Variants in STRBP observed in about 807,000 individuals in gnomAD.
The protein encoded by STRBP is spermatid perinuclear RNA binding protein.
A neutral mutation model predicts 80.1 loss-of-function variants in STRBP; 13 were observed. The ratio of observed to expected loss-of-function variants is 0.16; its 90% CI spans 0.11 to 0.26. STRBP has a LOEUF of 0.26. STRBP is among the 10% of genes least tolerant of loss of function. The pLI is 1.00. For synonymous variants in STRBP, 284 were observed against 291.2 expected (o/e 0.98, Z 0.25); for missense variants, 485 against 815.2 (o/e 0.59, Z 4.93).
At position 123,171,002 on chromosome 9, in the gene STRBP, G is replaced by A. The variant is rs543192674; in HGVS notation, c.391-956C>T. ...AAACGATCCCAAAAAAGTAGGAAAG[G>A]GAAAACTCATTATCCTACTTTTGAA... On this transcript the variant is annotated intron_variant, in intron 5 of 18. Coordinates refer to ENST00000348403, the MANE Select transcript of STRBP (RefSeq NM_018387.5). Among the ~76,000 whole-genome samples, 4 of 151,888 alleles carry A rather than the reference G, an allele frequency of 2.6e-5. No homozygotes were observed. In the South Asian group the frequency reaches 8.3e-4, roughly 32 times the overall value.
chr9:123,265,261 T>C (rs759489844), intron 1 of STRBP, among the ~76,000 whole-genome samples: 2 of 152,160 alleles, frequency 1.3e-5, no homozygotes, highest in African/African-American at 2.4e-5. Context: ...CCGCCCTCAT[T>C]ATGTTTAGGC....
At chr9:123,181,809 A>AAAAAAAAAAAAAAAAAAAAAAAC (rs2038473075) in intron 3 of STRBP, among the ~76,000 whole-genome samples, 1 of 9,742 alleles carries the variant, frequency 1.0e-4, no homozygotes, top group Non-Finnish European at 3.9e-4. Flanking sequence ...TCAAAAAAAA[A>AAAAAAAAAAAAAAAAAAAAAAAC]AAAAAAAAAA....
downstream of STRBP, among the ~76,000 whole-genome samples, chr9:123,120,598 CA>C (rs1314555728): frequency 1.3e-5 from 2 of 150,900 alleles, no homozygotes; most frequent in Admixed American, 6.6e-5. Context: ...ATCTAGGAAA[CA>C]GGGAAATTAT....
At chr9:123,226,842 A>G (rs550817354) in intron 2 of STRBP, among the ~76,000 whole-genome samples, 31 of 152,238 alleles carry the variant, frequency 2.0e-4, no homozygotes, top group African/African-American at 7.0e-4. Flanking sequence ...AGAATACCAC[A>G]GATTTGGTAA....
At chr9:123,159,037 A>G (rs2132392598) in intron 9 of STRBP, 59 bp downstream of exon 9, 1 of 1,394,936 alleles carries the variant, frequency 7.2e-7, no homozygotes, top group South Asian at 1.2e-5. Flanking sequence ...ATATATTTAG[A>G]AAAATAAACT....
chr9:123,144,190 T>C (rs1037187612), intron 13 of STRBP, among the ~76,000 whole-genome samples: 4 of 121,584 alleles, frequency 3.3e-5, no homozygotes, highest in South Asian at 5.0e-4. Context: ...AGATCAAGAC[T>C]CCGTCTCAAA....
At position 123,123,362 on chromosome 9, in the gene STRBP, G is replaced by A. The variant is rs1225987382; in HGVS notation, c.*2235C>T. 1 of 985,244 alleles carries A rather than the reference G, an allele frequency of 1.0e-6. No individual in the cohort carries two copies. The highest frequency in any genetic ancestry group is 6.2e-5 in the Admixed American group (1 of 16,260). 61.0% of individuals were successfully genotyped at this position (985,244 alleles called of 1,614,324 possible). ...TGGAAGGGTGGGAAGGGCAACAGGT[G>A]GGGGGACACTTAATTCATTACAGAA... On this transcript the variant is annotated 3_prime_UTR_variant, in exon 19 of 19. Coordinates refer to ENST00000348403, the MANE Select transcript of STRBP (RefSeq NM_018387.5).
In STRBP at chr9:123,136,114, G is replaced by A; in HGVS notation, c.1700C>T (p.Ala567Val). 6.2e-7 allele frequency: 1 copy of A among 1,614,218 alleles called. No individual in the cohort carries two copies. ...PNKKVAKASA[A>V]LAALEKLFSG... ...AAACAGTTTCTCCAAGGCAGCTAAA[G>A]CTGCACTCGCCTTTGCCACTTTCTT... Residue 567 changes from alanine to valine, a missense_variant, in exon 16 of 19, where the codon GCT becomes GTT. By Grantham distance (64) the Ala-to-Val change is moderately conservative. Around this residue, in one of 3 missense-constraint regions of STRBP, gnomAD observed 23 missense variants for 79.0 expected, o/e 0.29. Transcript: ENST00000348403. This position sits in a 1 kb window ranked among gnomAD's most constrained non-coding sequence, Gnocchi z 4.2.
intron 2 of STRBP, among the ~76,000 whole-genome samples, chr9:123,214,097 CATCA>C (rs1484654603): frequency 2.6e-5 from 4 of 151,318 alleles, no homozygotes; most frequent in East Asian, 1.9e-4. Context: ...CCCAAATGCC[CATCA>C]ATCAATGAGT....
chr9:123,116,779 G>A (rs560533747), downstream of STRBP, among the ~76,000 whole-genome samples: 3 of 152,252 alleles, frequency 2.0e-5, no homozygotes, highest in East Asian at 1.9e-4. Context: ...AGCCTCAGAC[G>A]GGGTGAGCGC....
chr9:123,162,875 T>G (rs2037583781), intron 6 of STRBP, among the ~76,000 whole-genome samples: 1 of 152,234 alleles, frequency 6.6e-6, no homozygotes, highest in African/African-American at 2.4e-5. Flanking sequence ...AATATACAAG[T>G]AGCTCACTTT....
intron 1 of STRBP, among the ~76,000 whole-genome samples, chr9:123,249,889 A>T (rs2040876345): frequency 6.6e-6 from 1 of 152,204 alleles, no homozygotes; most frequent in Non-Finnish European, 1.5e-5. Flanking sequence ...AGTTTCCCAG[A>T]GGCTATATAA....
intron 2 of STRBP, among the ~76,000 whole-genome samples, chr9:123,187,191 T>C (rs1052674221): frequency 2.0e-5 from 3 of 151,688 alleles, no homozygotes; most frequent in East Asian, 3.9e-4. Context: ...CCAAGATTCA[T>C]ATCTAGACAA....
At chr9:123,197,400 C>T (rs1004489419) in intron 2 of STRBP, among the ~76,000 whole-genome samples, 2 of 151,724 alleles carry the variant, frequency 1.3e-5, no homozygotes, top group African/African-American at 2.4e-5. Context: ...GTTACATGGA[C>T]GAAATATAAA....
intron 3 of STRBP, among the ~76,000 whole-genome samples, chr9:123,181,800 CAAAAAAAAAAAAAAAA>C (rs56785428): frequency 1.2e-3 from 30 of 25,778 alleles, no homozygotes; most frequent in Admixed American, 4.8e-3. Flanking sequence ...AACTTCGTCT[CAAAAAAAAAAAAAAAA>C]AAAAAAAAAA....
chr9:123,225,877 A>T (rs530938965), intron 2 of STRBP, among the ~76,000 whole-genome samples: 1 of 152,346 alleles, frequency 6.6e-6, no homozygotes, highest in South Asian at 2.1e-4. Context: ...AAAAGCTAAT[A>T]ACTTTGAAAA....
chr9:123,245,862 A>C (rs1437796741), intron 1 of STRBP, among the ~76,000 whole-genome samples: 1 of 152,204 alleles, frequency 6.6e-6, no homozygotes, highest in Non-Finnish European at 1.5e-5. Context: ...AGCCACAAAA[A>C]TTATCCCACT....
intron 1 of STRBP, among the ~76,000 whole-genome samples, chr9:123,245,184 A>G (rs2132616115): frequency 6.6e-6 from 1 of 152,358 alleles, no homozygotes; most frequent in Non-Finnish European, 1.5e-5. Flanking sequence ...AAAGTTTTAT[A>G]AACTCCAAAG....
At chr9:123,148,317 T>C (rs1941035976) in intron 11 of STRBP, among the ~76,000 whole-genome samples, 1 of 152,148 alleles carries the variant, frequency 6.6e-6, no homozygotes, top group South Asian at 2.1e-4. Flanking sequence ...GCAGGCACCA[T>C]CTATGAGCAA....
Sources: gnomAD v4.1 joint callset for allele counts (sites outside exome capture counted in the v4.1 genomes callset) on GRCh38, gnomAD v4.1.1 for gene constraint, gnomAD v4.1.1 regional missense constraint, Gnocchi (gnomAD v3.1) non-coding constraint, MANE v1.5 for transcripts, NCBI Gene and HGNC (gene_info 2026-07-23, HGNC 2026-07-21) for gene names.